PIBF1: variants seen among roughly 807,000 people sequenced by gnomAD.
PIBF1 encodes the protein progesterone-induced-blocking factor 1.
Under a neutral mutation model 112.5 loss-of-function variants are expected in PIBF1, and 90 were observed. The observed-to-expected ratio is 0.80, with a 90% CI of 0.67 to 0.95. The LOEUF (loss-of-function observed/expected upper bound fraction) is 0.95, where lower values mean the gene tolerates loss of function less well. PIBF1 is among the 40% of genes least tolerant of loss of function. The probability of loss-of-function intolerance (pLI) is 0.00; values close to 1 mark genes in which losing one functional copy is unlikely to be tolerated. For missense variants in PIBF1, 915 were observed against 852.3 expected, an observed-to-expected ratio of 1.07 and a Z score of -0.92; for synonymous variants, 301 against 288.6, an observed-to-expected ratio of 1.04 and a Z score of -0.44.
intron 12 of PIBF1, among the ~76,000 whole-genome samples, chr13:72,914,241 A>G (rs904608135): frequency 4.6e-5 from 7 of 152,206 alleles, no homozygotes; most frequent in African/African-American, 1.7e-4. Context: ...AGCAAATTAA[A>G]GTATCTTATT....
chr13:72,912,612 C>A (rs2040930552), intron 12 of PIBF1, among the ~76,000 whole-genome samples: 1 of 152,108 alleles, frequency 6.6e-6, no homozygotes, highest in Non-Finnish European at 1.5e-5. Flanking sequence ...CCGTTACTTA[C>A]CCAAGAGAGA....
At chr13:72,965,517 T>C in intron 15 of PIBF1, 113 bp downstream of exon 15, 1 of 787,902 alleles carries the variant, frequency 1.3e-6, no homozygotes, top group Non-Finnish European at 2.0e-6. Context: ...AATGAAGGTG[T>C]CTTAAATGTA....
At chr13:72,932,019 G>C (rs1458316000) in intron 14 of PIBF1, among the ~76,000 whole-genome samples, 1 of 135,404 alleles carries the variant, frequency 7.4e-6, no homozygotes, top group Non-Finnish European at 1.5e-5. Context: ...ACAGTTCATT[G>C]CAACCTCTGC....
At chr13:72,816,273 GGA>G (rs1389029197) in intron 5 of PIBF1, among the ~76,000 whole-genome samples, 10 of 152,192 alleles carry the variant, frequency 6.6e-5, no homozygotes, top group Non-Finnish European at 1.2e-4. Context: ...GCAAAAAGTA[GGA>G]GAGACAGAAT....
chr13:72,842,922 C>T (rs9600030), intron 9 of PIBF1, among the ~76,000 whole-genome samples: 42,121 of 152,082 alleles, frequency 0.28, 6,890 homozygotes, highest in East Asian at 0.47. Flanking sequence ...ATGTTTACAA[C>T]GTGTGTTCAC....
chr13:72,904,429 A>ATTTCTTTTTTTTTT (rs2040610554), intron 11 of PIBF1, among the ~76,000 whole-genome samples: 1 of 51,094 alleles, frequency 2.0e-5, no homozygotes, highest in Non-Finnish European at 3.6e-5. Flanking sequence ...ATATCAAAAT[A>ATTTCTTTTTTTTTT]TTTCTTTTTT....
chr13:72,830,370 G>A (rs149230943), intron 8 of PIBF1, among the ~76,000 whole-genome samples: 2,286 of 152,208 alleles, frequency 0.015, 63 homozygotes, highest in African/African-American at 0.051. Context: ...CAAAGGGAAC[G>A]CTTCCAGTTT....
At chr13:72,869,616 TAATAATAATAAAAAATA>T (rs1441500224) in intron 10 of PIBF1, among the ~76,000 whole-genome samples, 1 of 134,096 alleles carries the variant, frequency 7.5e-6, no homozygotes, top group African/African-American at 2.5e-5. Context: ...TAAAGTATAA[TAATAATAATAAAAAATA>T]AATAATAAAA....
chr13:72,935,568 ACTGGCCG>A (rs2041845081), intron 14 of PIBF1, among the ~76,000 whole-genome samples: 1 of 152,172 alleles, frequency 6.6e-6, no homozygotes, highest in African/African-American at 2.4e-5. Context: ...CTAGGAGTAG[ACTGGCCG>A]GATCATATCG....
At chr13:72,909,141 TTTG>T (rs1449321019) in intron 12 of PIBF1, among the ~76,000 whole-genome samples, 1 of 152,196 alleles carries the variant, frequency 6.6e-6, no homozygotes, top group Admixed American at 6.5e-5. Context: ...ATTTCAAATA[TTTG>T]TTCATCTTCA....
At chr13:72,998,760 CATT>C (rs1336412373) in intron 16 of PIBF1, 59 bp from the exon 17 acceptor site, 14 of 1,052,652 alleles carry the variant, frequency 1.3e-5, no homozygotes, top group Non-Finnish European at 1.8e-5. Context: ...TAATATTAAT[CATT>C]ATTAGTCTGC....
intron 16 of PIBF1, among the ~76,000 whole-genome samples, chr13:72,988,730 A>G (rs552261175): frequency 6.6e-6 from 1 of 152,246 alleles, no homozygotes; most frequent in East Asian, 1.9e-4. Flanking sequence ...TTCCCACTGA[A>G]GTATTTACAA....
chr13:72,860,056 A>G (rs774929221), intron 10 of PIBF1, among the ~76,000 whole-genome samples: 58 of 152,342 alleles, frequency 3.8e-4, no homozygotes, highest in Middle Eastern at 3.4e-3. Flanking sequence ...ATGCCTTAGC[A>G]TCTGATACAT....
At chr13:72,840,811 C>A (rs991967022) in intron 9 of PIBF1, among the ~76,000 whole-genome samples, 6 of 152,302 alleles carry the variant, frequency 3.9e-5, no homozygotes, top group African/African-American at 1.4e-4. Flanking sequence ...CAGGCGTGAG[C>A]CACCATGCCC....
At chr13:72,977,905 G>A (rs142527880) in intron 16 of PIBF1, among the ~76,000 whole-genome samples, 27 of 152,246 alleles carry the variant, frequency 1.8e-4, no homozygotes, top group African/African-American at 5.3e-4. Context: ...ATGATATAAC[G>A]TGAAGAGCAG....
At chr13:72,995,479 AAAT>A in intron 16 of PIBF1, among the ~76,000 whole-genome samples, 1 of 152,180 alleles carries the variant, frequency 6.6e-6, no homozygotes, top group Non-Finnish European at 1.5e-5. Context: ...GTCCATAAAT[AAAT>A]AATATACTTA....
chr13:72,799,305 A>G (rs1566284087), intron 5 of PIBF1, among the ~76,000 whole-genome samples: 1 of 152,222 alleles, frequency 6.6e-6, no homozygotes, highest in Non-Finnish European at 1.5e-5. Flanking sequence ...ATAAATAATT[A>G]TAATTTAATT....
In PIBF1 at chr13:72,866,961, G is replaced by C. The variant is rs542443541; in HGVS notation, c.1322+12806G>C. 2.6e-5 allele frequency among the ~76,000 whole-genome samples: 4 copies of C among 152,178 alleles called. No individual in the cohort carries two copies. The East Asian group carries it at 5.8e-4, about 22-fold the overall frequency. On this transcript the variant is annotated intron_variant, in intron 10 of 17. Coordinates refer to ENST00000326291, the MANE Select transcript of PIBF1 (RefSeq NM_006346.4). ...GTGAAGATATGCTGAATTCATTTTAGCCATTGAAAGTATATTACTGTAAAT... is the reference window on the plus strand; with the variant it reads ...GTGAAGATATGCTGAATTCATTTTACCCATTGAAAGTATATTACTGTAAAT...
intron 10 of PIBF1, among the ~76,000 whole-genome samples, chr13:72,871,029 G>A (rs2039139551): frequency 6.6e-6 from 1 of 151,988 alleles, no homozygotes; most frequent in Non-Finnish European, 1.5e-5. Flanking sequence ...TATATTTATG[G>A]TAATTCAAGA....
Sources: allele counts gnomAD v4.1 joint callset (sites outside exome capture counted in the v4.1 genomes callset), GRCh38; gene constraint gnomAD v4.1.1; transcripts MANE v1.5; gene names NCBI Gene and HGNC (gene_info 2026-07-23, HGNC 2026-07-21).